The following RIN3 variants were observed in gnomAD, a reference collection of about 807,000 sequenced individuals.
RIN3 encodes the protein Ras and Rab interactor 3, also known as RAB5 interacting protein 3.
Under a neutral mutation model 76.3 loss-of-function variants are expected in RIN3, and 54 were observed. The observed-to-expected ratio is 0.71, with a 90% CI of 0.57 to 0.89. The LOEUF (loss-of-function observed/expected upper bound fraction) is 0.89. RIN3 is among the 40% of genes least tolerant of loss of function. The pLI, the probability that RIN3 is intolerant of heterozygous loss-of-function variation, is 0.00. For missense variants in RIN3, 1,256 were observed against 1,322.1 expected (o/e 0.95, Z 0.78); for synonymous variants, 576 against 564.0 (o/e 1.02, Z -0.30).
intron 3 of RIN3, among the ~76,000 whole-genome samples, chr14:92,582,746 C>T (rs971540530): frequency 1.3e-5 from 2 of 152,198 alleles, no homozygotes; most frequent in Admixed American, 1.3e-4. Context: ...AGCCACCCCG[C>T]CTGGCCTGCC....
At position 92,688,197 on chromosome 14, in the gene RIN3, GC is replaced by G. The variant is rs2140182988; in HGVS notation, c.2904del (p.Gly969AlafsTer55). ...TACCGGCCCCTGGACGGTGGTGGCG[GC>G]GGCGGCGGCGGGAGCCCGCCCTGCC... ...FVYRPLDGGG[G>X]GGGGSPPCLV... On this transcript the variant is annotated frameshift_variant, in exon 10 of 10. Transcript: ENST00000216487. LOFTEE classifies it high-confidence loss of function. 2.2e-6 allele frequency: 3 copies of G among 1,383,288 alleles called. No homozygotes were observed. The highest frequency in any genetic ancestry group is 3.0e-6 in the Non-Finnish European group (3 of 1,003,912). The allele number at this position is 1,383,288 out of a possible 1,614,324, so 85.7% of individuals were successfully genotyped here.
At chr14:92,591,982 A>G (rs915358208) in intron 3 of RIN3, among the ~76,000 whole-genome samples, 2 of 152,244 alleles carry the variant, frequency 1.3e-5, no homozygotes, top group Non-Finnish European at 1.5e-5. Context: ...GTTTGTTGGA[A>G]ATAATGGCAA....
chr14:92,581,760 G>C (rs1230660587), intron 3 of RIN3, among the ~76,000 whole-genome samples: 1 of 152,146 alleles, frequency 6.6e-6, no homozygotes, highest in Non-Finnish European at 1.5e-5. Flanking sequence ...CGTTAAAGCA[G>C]TAAAAACAGG....
intron 5 of RIN3, among the ~76,000 whole-genome samples, chr14:92,650,042 T>G (rs770470234): frequency 2.1e-4 from 32 of 152,188 alleles, no homozygotes; most frequent in Non-Finnish European, 3.8e-4. Context: ...GCCCACCTCT[T>G]AGAGCGAGCA....
chr14:92,594,705 TAC>T (rs1885096367), intron 3 of RIN3, among the ~76,000 whole-genome samples: 1 of 152,224 alleles, frequency 6.6e-6, no homozygotes, highest in Non-Finnish European at 1.5e-5. Flanking sequence ...ATGCATATAT[TAC>T]AAAAGAAGAA....
intron 2 of RIN3, among the ~76,000 whole-genome samples, chr14:92,569,942 T>G (rs1253900479): frequency 1.3e-5 from 2 of 152,220 alleles, no homozygotes; most frequent in Admixed American, 6.5e-5. Flanking sequence ...TTCTGTTTCA[T>G]TCTGGAAAAA....
rs751810271 is a variant in RIN3 at position 92,652,398 on chromosome 14, C to T, written c.1349C>T (p.Pro450Leu). The T allele has an allele frequency of 2.5e-6, 4 of 1,612,808 alleles. No individual in the cohort carries two copies. In the East Asian group the frequency reaches 8.9e-5, roughly 36 times the overall value. The change falls in exon 6 of 10, where the codon CCC becomes CTC. Residue 450 changes from proline (P) to leucine (L), a missense_variant. Coordinates refer to ENST00000216487, the MANE Select transcript of RIN3 (RefSeq NM_024832.5). This position sits in a 1 kb window ranked among gnomAD's most constrained non-coding sequence, Gnocchi z 6.4. The stretch of plus-strand genomic sequence containing the variant: ...GATCCTCACAGCATGCCAGAGCTGC[C>T]CAGGACAGCCAAACAACCCCCAGTC... Reference protein sequence around the residue: ...ASDPHSMPELPRTAKQPPVPP... With the variant: ...ASDPHSMPELLRTAKQPPVPP...
chr14:92,576,129 T>G (rs112045937), intron 2 of RIN3: 37 of 945,438 alleles, frequency 3.9e-5, no homozygotes, highest in Non-Finnish European at 4.6e-5. Context: ...GGATGCCCCC[T>G]CCCCCTTCCT....
intron 7 of RIN3, among the ~76,000 whole-genome samples, chr14:92,672,670 G>GTGTT (rs1888326239): frequency 6.6e-6 from 1 of 152,152 alleles, no homozygotes; most frequent in East Asian, 1.9e-4. Context: ...ATGTGTGTGT[G>GTGTT]TGTGTGTGTG....
rs1178221776 is a variant in RIN3, at chr14:92,618,347, G to A, written c.440+2868G>A. On this transcript the variant is annotated intron_variant, in intron 4 of 9. Transcript: ENST00000216487. ...AGCTGTTCACATCAAGGATGCCATCGTCTTCTGGGGAGAAACACCCCTGGT... is the reference window on the plus strand; with the variant it reads ...AGCTGTTCACATCAAGGATGCCATCATCTTCTGGGGAGAAACACCCCTGGT... Among the ~76,000 whole-genome samples the A allele has an allele frequency of 3.9e-5, 6 of 152,122 alleles. No homozygotes were observed. In the East Asian group the frequency reaches 5.8e-4, roughly 15 times the overall value.
At chr14:92,612,569 C>G (rs538293294) in intron 3 of RIN3, among the ~76,000 whole-genome samples, 1 of 152,298 alleles carries the variant, frequency 6.6e-6, no homozygotes, top group Non-Finnish European at 1.5e-5. Flanking sequence ...CATCAGTCTC[C>G]CATGCACTGT....
chr14:92,630,004 A>G (rs553212236), intron 4 of RIN3, among the ~76,000 whole-genome samples: 105 of 152,328 alleles, frequency 6.9e-4, no homozygotes, highest in Middle Eastern at 3.4e-3. Flanking sequence ...CAAGCTCCTA[A>G]CCATAGTGGA....
At chr14:92,533,921 C>G (rs1896937539) in intron 1 of RIN3, among the ~76,000 whole-genome samples, 1 of 152,110 alleles carries the variant, frequency 6.6e-6, no homozygotes, top group African/African-American at 2.4e-5. Context: ...TGTTTAATAA[C>G]CACATATGGC....
chr14:92,609,716 T>G (rs915578639), intron 3 of RIN3, among the ~76,000 whole-genome samples: 1 of 151,984 alleles, frequency 6.6e-6, no homozygotes, highest in African/African-American at 2.4e-5. Flanking sequence ...GAAAGCAGAG[T>G]GAACTGAGAG....
intron 3 of RIN3, among the ~76,000 whole-genome samples, chr14:92,609,458 C>A (rs571323755): frequency 6.6e-6 from 1 of 152,328 alleles, no homozygotes; most frequent in East Asian, 1.9e-4. Flanking sequence ...TGGTATGTTT[C>A]CCCTGAGGCT....
intron 1 of RIN3, among the ~76,000 whole-genome samples, chr14:92,538,802 A>G (rs918720534): frequency 2.0e-5 from 3 of 152,162 alleles, no homozygotes; most frequent in African/African-American, 7.2e-5. Flanking sequence ...AGTAGGCGAT[A>G]TAGTCACACG....
chr14:92,629,670 C>T (rs1886494062), intron 4 of RIN3, among the ~76,000 whole-genome samples: 1 of 152,246 alleles, frequency 6.6e-6, no homozygotes, highest in African/African-American at 2.4e-5. Flanking sequence ...TAAGGACACA[C>T]CAGGTACCTG....
At position 92,514,770 on chromosome 14, in the gene RIN3, G is replaced by A. The variant is rs772844304; in HGVS notation, c.44+794G>A. On this transcript the variant is annotated intron_variant, in intron 1 of 9. Transcript: ENST00000216487. The surrounding 1 kb of genome is among the most constrained non-coding windows in gnomAD (Gnocchi z 7.2). ...GCTCGGGGCTGGGCTCTGGGAGAAAGTCCTCTCGCCTTGCCCAGCTCAGAG... is the reference window on the plus strand; with the variant it reads ...GCTCGGGGCTGGGCTCTGGGAGAAAATCCTCTCGCCTTGCCCAGCTCAGAG... Among the ~76,000 whole-genome samples, 3 of 152,240 alleles carry A rather than the reference G, an allele frequency of 2.0e-5. No individual in the cohort carries two copies. Among genetic ancestry groups the A allele is most frequent in the Non-Finnish European group, 4.4e-5 (3 of 68,048 alleles).
intron 7 of RIN3, among the ~76,000 whole-genome samples, chr14:92,674,220 G>A (rs1595503282): frequency 6.6e-6 from 1 of 152,176 alleles, no homozygotes; most frequent in East Asian, 1.9e-4. Context: ...GTAGAGCTGG[G>A]ATTTGAACCC....
Sources: allele counts gnomAD v4.1 joint callset (sites outside exome capture counted in the v4.1 genomes callset), GRCh38; gene constraint gnomAD v4.1.1; non-coding constraint Gnocchi (gnomAD v3.1); transcripts MANE v1.5; gene names NCBI Gene and HGNC (gene_info 2026-07-23, HGNC 2026-07-21).